PGAP2: variants seen among roughly 807,000 people sequenced by gnomAD.
PGAP2 encodes the protein acyltransferase PGAP2.
PGAP2 carries 21 observed loss-of-function variants against 33.2 expected under a neutral mutation model. That is an observed-to-expected ratio of 0.63 (90% CI 0.45 to 0.91). PGAP2 has a LOEUF of 0.91. Among genes scored for constraint, PGAP2 ranks in the 40% least tolerant of loss-of-function variants. The pLI is 0.00. For synonymous variants in PGAP2, 161 were observed against 172.9 expected (o/e 0.93, Z 0.54); for missense variants, 345 against 424.0 (o/e 0.81, Z 1.64).
chr11:3,797,994 AC>A (rs1298260990), intron 1 of PGAP2: 1 of 1,538,804 alleles, frequency 6.5e-7, no homozygotes, highest in Non-Finnish European at 8.8e-7. Context: ...TAACTATTCG[AC>A]CCTTTCCTTG....
At chr11:3,814,810 T>TTCTTTC (rs2086565614) in intron 2 of PGAP2, among the ~76,000 whole-genome samples, 2 of 123,838 alleles carry the variant, frequency 1.6e-5, no homozygotes, top group African/African-American at 5.8e-5. Context: ...CTTTCTTTCT[T>TTCTTTC]TCTCTTTCTT....
intron 1 of PGAP2, among the ~76,000 whole-genome samples, chr11:3,801,126 G>T (rs949629371): frequency 7.6e-6 from 1 of 131,824 alleles, no homozygotes; most frequent in African/African-American, 2.7e-5. Context: ...AAGAGTGAAA[G>T]TCTGTCTTCA....
chr11:3,813,508 T>C (rs2086064531), intron 2 of PGAP2, among the ~76,000 whole-genome samples: 1 of 152,164 alleles, frequency 6.6e-6, no homozygotes, highest in African/African-American at 2.4e-5. Flanking sequence ...CTCAGCCTCC[T>C]GAGTAGCTAG....
chr11:3,807,497 G>A (rs2084626705), upstream of PGAP2, among the ~76,000 whole-genome samples: 1 of 151,226 alleles, frequency 6.6e-6, no homozygotes, highest in African/African-American at 2.4e-5. Context: ...TAGTAGAGAC[G>A]GGGTTTCGCC....
chr11:3,801,155 G>A (rs1245653188), intron 1 of PGAP2, among the ~76,000 whole-genome samples: 2 of 151,098 alleles, frequency 1.3e-5, no homozygotes, highest in South Asian at 2.1e-4. Context: ...AGAAAAGAAA[G>A]GAAAGAAAAA....
At chr11:3,819,178 G>A (rs1161971326) in intron 3 of PGAP2, among the ~76,000 whole-genome samples, 1 of 152,050 alleles carries the variant, frequency 6.6e-6, no homozygotes, top group Non-Finnish European at 1.5e-5. Flanking sequence ...CTCAGCCTTG[G>A]GTAGCTGGGA....
At chr11:3,806,504 C>T (rs868253170), upstream of PGAP2, among the ~76,000 whole-genome samples, 31 of 152,228 alleles carry the variant, frequency 2.0e-4, no homozygotes, top group Admixed American at 4.6e-4. Flanking sequence ...CACCATTGCT[C>T]CACATGAGGC....
intron 1 of PGAP2, among the ~76,000 whole-genome samples, chr11:3,799,839 C>T (rs1018519591): frequency 6.6e-6 from 1 of 152,010 alleles, no homozygotes; most frequent in Non-Finnish European, 1.5e-5. Flanking sequence ...TGGTGGCAAG[C>T]GCCTGTGGTC....
intron 3 of PGAP2, 191 bp from the exon 4 acceptor site, chr11:3,823,692 A>G (rs181768257): frequency 6.3e-7 from 1 of 1,582,150 alleles, no homozygotes; most frequent in Non-Finnish European, 8.5e-7. Flanking sequence ...GGGAATGAGA[A>G]TCCAGCACTT....
At chr11:3,825,274 C>T in intron 6 of PGAP2, 54 bp from the exon 7 acceptor site, 1 of 1,596,792 alleles carries the variant, frequency 6.3e-7, no homozygotes, top group Non-Finnish European at 8.6e-7. Context: ...CAAGAGGCCT[C>T]TGAGCGGGTA....
chr11:3,821,142 C>T (rs1488881143), intron 3 of PGAP2, among the ~76,000 whole-genome samples: 1 of 152,232 alleles, frequency 6.6e-6, no homozygotes, highest in Non-Finnish European at 1.5e-5. Flanking sequence ...TCTGACAGTG[C>T]AGAAGGGAAT....
intron 3 of PGAP2, among the ~76,000 whole-genome samples, chr11:3,822,256 C>A (rs984319325): frequency 1.3e-5 from 2 of 151,434 alleles, no homozygotes; most frequent in Non-Finnish European, 2.9e-5. Flanking sequence ...CCCAGCTACT[C>A]GGGAGGCTGA....
At chr11:3,822,287 C>A (rs918010565) in intron 3 of PGAP2, among the ~76,000 whole-genome samples, 9 of 152,026 alleles carry the variant, frequency 5.9e-5, no homozygotes, top group African/African-American at 1.9e-4. Flanking sequence ...TGGCGTGAAC[C>A]CGGGAGGCGG....
chr11:3,800,811 C>CA (rs1162584142), intron 1 of PGAP2, among the ~76,000 whole-genome samples: 3,676 of 66,848 alleles, frequency 0.055, 132 homozygotes, highest in African/African-American at 0.13. Context: ...GACTCCGTCT[C>CA]AAAAAAAAAA....
At chr11:3,806,747 G>T (rs1726191400), upstream of PGAP2, among the ~76,000 whole-genome samples, 1 of 152,042 alleles carries the variant, frequency 6.6e-6, no homozygotes, top group African/African-American at 2.4e-5. Context: ...AGTATCTACT[G>T]GCGGAGGCTC....
In PGAP2 at chr11:3,824,120, T is replaced by C. The variant is rs1490238365; in HGVS notation, c.586T>C (p.Ser196Pro). Residue 196 changes from serine to proline, a missense_variant, in exon 4 of 7, where the codon TCC becomes CCC. Ser to Pro is a moderately conservative substitution (Grantham distance 74). This residue lies in a region of PGAP2 where 311 missense variants were observed against 353.6 expected (regional missense o/e 0.88). Coordinates refer to ENST00000278243, the MANE Select transcript of PGAP2 (RefSeq NM_014489.4). ...LALLVLTYVSSSEDFTIHENA... is the reference protein window; with the variant it reads ...LALLVLTYVSPSEDFTIHENA... ...GTTGCTAGTGCTCACTTATGTCTCC[T>C]CCTCCGAGGACTTCAGTGGGTGCCT... 6.2e-7 allele frequency: 1 copy of C among 1,614,000 alleles called. No homozygotes were observed. The highest frequency in any genetic ancestry group is 8.5e-7 in the Non-Finnish European group (1 of 1,179,942).
chr11:3,812,214 T>C (rs2085734365), intron 2 of PGAP2, among the ~76,000 whole-genome samples: 2 of 152,164 alleles, frequency 1.3e-5, no homozygotes, highest in African/African-American at 4.8e-5. Context: ...GTAATTCATT[T>C]ACTGACTCTA....
chr11:3,807,797 A>G (rs2084694318), upstream of PGAP2, among the ~76,000 whole-genome samples: 1 of 152,046 alleles, frequency 6.6e-6, no homozygotes, highest in Non-Finnish European at 1.5e-5. Flanking sequence ...TTGCAGGAGG[A>G]ATTCTTGGTC....
chr11:3,823,012 CTTTTTTCTTTTCTTTTTTT>C, intron 3 of PGAP2: 1 of 456,214 alleles, frequency 2.2e-6, no homozygotes, highest in Non-Finnish European at 3.6e-6. Context: ...CACCCACTTT[CTTTTTTCTTTTCTTTTTTT>C]TTTTTTTTTT....
Sources: allele counts gnomAD v4.1 joint callset (sites outside exome capture counted in the v4.1 genomes callset), GRCh38; gene constraint gnomAD v4.1.1; regional missense constraint gnomAD v4.1.1; transcripts MANE v1.5; gene names NCBI Gene and HGNC (gene_info 2026-07-23, HGNC 2026-07-21).